Variants in CNTN1 observed in about 807,000 individuals in gnomAD.
CNTN1 encodes contactin 1.
In CNTN1, 38 loss-of-function variants were observed where a neutral mutation model predicts 126.4. The observed-to-expected ratio is 0.30, with a 90% CI of 0.23 to 0.39. CNTN1 has a LOEUF of 0.39. CNTN1 is among the 10% of genes least tolerant of loss of function. The pLI, the probability that CNTN1 is intolerant of heterozygous loss-of-function variation, is 1.00. For synonymous variants in CNTN1, 413 were observed against 422.6 expected (o/e 0.98, Z 0.28); for missense variants, 1,009 against 1,248.4 (o/e 0.81, Z 2.89).
At chr12:40,813,113 C>G (rs1470833517) in intron 1 of CNTN1, among the ~76,000 whole-genome samples, 2 of 129,264 alleles carry the variant, frequency 1.5e-5, no homozygotes, top group Non-Finnish European at 3.2e-5. Context: ...TTTTTTCTTT[C>G]TTTCTTTCCT....
chr12:40,836,008 G>GTGTATA (rs141242584), intron 1 of CNTN1, among the ~76,000 whole-genome samples: 7 of 148,244 alleles, frequency 4.7e-5, no homozygotes, highest in Non-Finnish European at 8.9e-5. Flanking sequence ...GTGTGTGTGT[G>GTGTATA]TATATATGTA....
chr12:40,922,130 G>A (rs1945462927), intron 4 of CNTN1, 126 bp from the exon 5 acceptor site: 6 of 778,478 alleles, frequency 7.7e-6, no homozygotes, highest in Non-Finnish European at 1.3e-5. Flanking sequence ...AATACCACCT[G>A]AATCATATTC....
chr12:40,793,594 A>T (rs536123144), intron 1 of CNTN1, among the ~76,000 whole-genome samples: 1 of 152,186 alleles, frequency 6.6e-6, no homozygotes, highest in African/African-American at 2.4e-5. Flanking sequence ...GTCACTCTAA[A>T]TTATGCCTTA....
At chr12:40,813,041 T>TTCTTTCTTTCTTTCTTTCTTTCTTTC (rs1941130300) in intron 1 of CNTN1, among the ~76,000 whole-genome samples, 1 of 68,074 alleles carries the variant, frequency 1.5e-5, no homozygotes, top group Non-Finnish European at 3.8e-5. Flanking sequence ...TTTCTTTCCT[T>TTCTTTCTTTCTTTCTTTCTTTCTTTC]TCTTTCTTTC....
chr12:40,721,099 A>G (rs912876221), intron 1 of CNTN1, among the ~76,000 whole-genome samples: 1 of 152,138 alleles, frequency 6.6e-6, no homozygotes, highest in Non-Finnish European at 1.5e-5. Flanking sequence ...AAACAAATGC[A>G]TTAGTTGAAT....
chr12:40,876,250 C>T (rs186955736), intron 1 of CNTN1, among the ~76,000 whole-genome samples: 12 of 151,954 alleles, frequency 7.9e-5, no homozygotes, highest in South Asian at 2.1e-4. Flanking sequence ...TTACCAGACA[C>T]GGCATGTGAG....
chr12:40,993,409 A>G, intron 17 of CNTN1, 140 bp downstream of exon 17: 1 of 689,246 alleles, frequency 1.5e-6, no homozygotes, highest in Non-Finnish European at 2.4e-6. Context: ...TTCACTATCA[A>G]GACAGTCAAA....
intron 1 of CNTN1, among the ~76,000 whole-genome samples, chr12:40,801,810 A>C (rs952872723): frequency 6.6e-6 from 1 of 151,802 alleles, no homozygotes; most frequent in African/African-American, 2.4e-5. Context: ...ACATTTTTAA[A>C]AGACACTTTG....
chr12:40,929,439 G>A (rs1472737472), intron 6 of CNTN1, among the ~76,000 whole-genome samples: 2 of 151,470 alleles, frequency 1.3e-5, no homozygotes, highest in Middle Eastern at 3.2e-3. Flanking sequence ...CATGGCTTTC[G>A]AGTTATTAGA....
Position 40,937,652 on chromosome 12 carries a change from G to C in CNTN1, c.1193G>C (p.Gly398Ala). The change falls in exon 11 of 24, where the codon GGA becomes GCA. Residue 398 changes from glycine (G) to alanine (A), a missense_variant. Coordinates refer to ENST00000551295, the MANE Select transcript of CNTN1 (RefSeq NM_001843.4). The stretch of plus-strand genomic sequence containing the variant: ...CAGTGCATAGCTGAAAACACATATG[G>C]AGCCATTTATGCAAATGCTGAGTTG... Reference protein sequence around the residue: ...MYQCIAENTYGAIYANAELKI... With the variant: ...MYQCIAENTYAAIYANAELKI... 2 of 1,611,972 alleles carry C rather than the reference G, an allele frequency of 1.2e-6. No homozygotes were observed. The highest frequency in any genetic ancestry group is 8.5e-7 in the Non-Finnish European group (1 of 1,178,246).
intron 1 of CNTN1, among the ~76,000 whole-genome samples, chr12:40,755,560 T>C (rs1396414853): frequency 6.6e-6 from 1 of 151,480 alleles, no homozygotes; most frequent in Admixed American, 6.6e-5. Flanking sequence ...AAATATTTAA[T>C]TAAAAAAAAA....
chr12:41,044,525 A>G (rs1184225747), intron 23 of CNTN1, among the ~76,000 whole-genome samples: 1 of 152,078 alleles, frequency 6.6e-6, no homozygotes, highest in East Asian at 1.9e-4. Context: ...TTTGTTTTAT[A>G]TTTTAGATTA....
Position 41,070,274 on chromosome 12 carries a change from A to C in CNTN1, c.*239A>C, listed in dbSNP as rs1050539270. The C allele has an allele frequency of 3.6e-6, 2 of 549,962 alleles. No individual in the cohort carries two copies. Among genetic ancestry groups the C allele is most frequent in the Non-Finnish European group, 6.5e-6 (2 of 305,936 alleles). 34.1% of individuals were successfully genotyped at this position (549,962 alleles called of 1,614,324 possible). A position where few individuals can be genotyped will look rare whatever the true frequency, so the allele number is the denominator to read the frequency against. ...TTTTTAACTCGTTCCAATATGCCTT[A>C]TAAACCACTTAACCTGATTCTGTGA... On this transcript the variant is annotated 3_prime_UTR_variant, in exon 24 of 24. Coordinates refer to ENST00000551295, the MANE Select transcript of CNTN1 (RefSeq NM_001843.4).
intron 23 of CNTN1, among the ~76,000 whole-genome samples, chr12:41,046,839 G>T (rs1592456969): frequency 7.2e-6 from 1 of 138,620 alleles, no homozygotes; most frequent in Non-Finnish European, 1.5e-5. Context: ...TGATCTTATT[G>T]CTTATTTCTT....
chr12:40,872,595 T>A (rs1260901636), intron 1 of CNTN1, among the ~76,000 whole-genome samples: 2 of 119,192 alleles, frequency 1.7e-5, no homozygotes, highest in Non-Finnish European at 3.4e-5. Context: ...TTTTTTGAGA[T>A]GGAGTCTGGC....
At chr12:40,971,908 A>G in intron 15 of CNTN1, 1 of 1,048,652 alleles carries the variant, frequency 9.5e-7, no homozygotes, top group Non-Finnish European at 1.1e-6. Flanking sequence ...TTATTCAAGC[A>G]GGTAATGAAC....
chr12:40,810,967 T>C (rs779635121), intron 1 of CNTN1, among the ~76,000 whole-genome samples: 8 of 152,164 alleles, frequency 5.3e-5, no homozygotes, highest in Non-Finnish European at 7.4e-5. Context: ...CATGGCACTG[T>C]ACTCCAGCCT....
At chr12:40,762,890 C>T (rs1274644424) in intron 1 of CNTN1, among the ~76,000 whole-genome samples, 2 of 152,264 alleles carry the variant, frequency 1.3e-5, no homozygotes, top group Middle Eastern at 6.8e-3. Context: ...ATATTTGTCC[C>T]CTCCAAATCT....
chr12:40,854,048 A>G (rs1942813214), intron 1 of CNTN1, among the ~76,000 whole-genome samples: 2 of 149,728 alleles, frequency 1.3e-5, no homozygotes, highest in Non-Finnish European at 3.0e-5. Flanking sequence ...TTGATTTTAG[A>G]GATTTTTATT....
Sources: gnomAD v4.1 joint callset for allele counts (sites outside exome capture counted in the v4.1 genomes callset) on GRCh38, gnomAD v4.1.1 for gene constraint, MANE v1.5 for transcripts, NCBI Gene and HGNC (gene_info 2026-07-23, HGNC 2026-07-21) for gene names.